Variants in AFG2A observed in about 807,000 individuals in gnomAD.
AFG2A encodes AAA ATPase AFG2A.
chr4:123,060,460 G>A, the AFG2A span, among the ~76,000 whole-genome samples: 2 of 152,130 alleles, frequency 1.3e-5, no homozygotes, highest in African/African-American at 4.8e-5. Context: ...CTCAATTCTC[G>A]ACTTCTGCAC....
chr4:123,274,577 T>C, the AFG2A span, among the ~76,000 whole-genome samples: 35 of 150,334 alleles, frequency 2.3e-4, no homozygotes, highest in African/African-American at 7.7e-4. Context: ...GGATTAATTA[T>C]ATAAAAGAGC....
the AFG2A span, chr4:123,318,842 A>G: frequency 2.6e-5 from 4 of 152,046 alleles, no homozygotes; most frequent in Non-Finnish European, 5.9e-5. Flanking sequence ...TATATAGTTC[A>G]TGGAAAATTT....
the AFG2A span, among the ~76,000 whole-genome samples, chr4:123,049,623 T>G: frequency 6.6e-6 from 1 of 152,108 alleles, no homozygotes. Flanking sequence ...TGGAGTATAG[T>G]TGTTCATAAT....
At chr4:123,260,390 G>T in the AFG2A span, among the ~76,000 whole-genome samples, 18 of 152,154 alleles carry the variant, frequency 1.2e-4, no homozygotes, top group Admixed American at 1.2e-3. Flanking sequence ...AATAGCACAA[G>T]ATCTTCATGC....
chr4:123,111,704 T>C, the AFG2A span, among the ~76,000 whole-genome samples: 6 of 150,752 alleles, frequency 4.0e-5, no homozygotes, highest in East Asian at 3.9e-4. Context: ...AGTTTTGTAT[T>C]ATACTTCTTC....
chr4:123,122,773 G>GTTTTTTTTTTTTTTTTTTTTTTTTTTTTT, the AFG2A span, among the ~76,000 whole-genome samples: 1 of 140,080 alleles, frequency 7.1e-6, no homozygotes, highest in Non-Finnish European at 1.6e-5. Context: ...CATGTCATCT[G>GTTTTTTTTTTTTTTTTTTTTTTTTTTTTT]TTTTTTTGTT....
chr4:123,148,862 G>A, the AFG2A span, among the ~76,000 whole-genome samples: 11 of 149,722 alleles, frequency 7.3e-5, no homozygotes, highest in East Asian at 1.0e-3. Context: ...TCTGTCTCCC[G>A]GGCTCAAGCA....
At chr4:122,934,589 A>G in the AFG2A span, 4 of 1,613,946 alleles carry the variant, frequency 2.5e-6, no homozygotes, top group East Asian at 4.5e-5. Context: ...ACAAGAGTCA[A>G]TTTTACAGAG....
At chr4:123,147,044 G>C in the AFG2A span, among the ~76,000 whole-genome samples, 92,642 of 152,026 alleles carry the variant, frequency 0.61, 33,074 homozygotes, top group East Asian at 0.97. Context: ...AACATTTTAT[G>C]ATAAACTTGA....
chr4:122,940,528 A>G, the AFG2A span, among the ~76,000 whole-genome samples: 1 of 152,076 alleles, frequency 6.6e-6, no homozygotes, highest in East Asian at 1.9e-4. Flanking sequence ...GATTCTGGAT[A>G]TTAGCCCTTT....
the AFG2A span, among the ~76,000 whole-genome samples, chr4:123,154,284 G>C: frequency 1.3e-5 from 2 of 151,858 alleles, no homozygotes; most frequent in Middle Eastern, 6.8e-3. Context: ...TGTTAAAACC[G>C]ATATTATAGA....
the AFG2A span, among the ~76,000 whole-genome samples, chr4:123,112,669 AT>A: frequency 1.3e-5 from 2 of 152,010 alleles, no homozygotes; most frequent in African/African-American, 2.4e-5. Context: ...AGGATAATGA[AT>A]TTTTTTTATA....
chr4:123,248,143 T>C, the AFG2A span, among the ~76,000 whole-genome samples: 6 of 152,226 alleles, frequency 3.9e-5, no homozygotes, highest in Non-Finnish European at 8.8e-5. Context: ...TTAAGACTTT[T>C]TTATTCAAAT....
At chr4:122,965,603 C>A in the AFG2A span, among the ~76,000 whole-genome samples, 2 of 152,068 alleles carry the variant, frequency 1.3e-5, no homozygotes, top group Admixed American at 6.6e-5. Flanking sequence ...TTGAATTAGC[C>A]ACACCTCTTT....
chr4:123,045,957 G>A, the AFG2A span, among the ~76,000 whole-genome samples: 4 of 151,832 alleles, frequency 2.6e-5, no homozygotes, highest in Admixed American at 6.6e-5. Context: ...TTAGCCAGGC[G>A]TGGTGACATA....
chr4:123,063,249 A>G, the AFG2A span, among the ~76,000 whole-genome samples: 5 of 152,224 alleles, frequency 3.3e-5, no homozygotes, highest in African/African-American at 1.2e-4. Context: ...TAAAATTCCC[A>G]AGATACTAAA....
the AFG2A span, among the ~76,000 whole-genome samples, chr4:123,119,234 C>T: frequency 1.7e-3 from 260 of 152,044 alleles, no homozygotes; most frequent in African/African-American, 6.1e-3. Flanking sequence ...GTTTTGTTTA[C>T]CGGTAAGTCA....
the AFG2A span, among the ~76,000 whole-genome samples, chr4:122,940,293 G>GT: frequency 3.9e-5 from 6 of 152,064 alleles, no homozygotes; most frequent in Non-Finnish European, 8.8e-5. Context: ...TCTAGCACCT[G>GT]TTGTTTCCTG....
the AFG2A span, among the ~76,000 whole-genome samples, chr4:123,023,937 G>A: frequency 6.8e-6 from 1 of 146,552 alleles, no homozygotes; most frequent in African/African-American, 2.5e-5. Flanking sequence ...CCTGGAGCAG[G>A]GGTTCCTGCC....
Sources: allele counts gnomAD v4.1 joint callset (sites outside exome capture counted in the v4.1 genomes callset), GRCh38; gene constraint gnomAD v4.1.1; transcripts MANE v1.5; gene names NCBI Gene and HGNC (gene_info 2026-07-23, HGNC 2026-07-21).